The following ACE variants were observed in gnomAD, a reference collection of about 807,000 sequenced individuals.
ACE encodes angiotensin-converting enzyme.
ACE carries 122 observed loss-of-function variants against 162.3 expected under a neutral mutation model. The observed-to-expected ratio is 0.75, with a 90% CI of 0.65 to 0.87. The LOEUF (loss-of-function observed/expected upper bound fraction) is 0.87. ACE is among the 40% of genes least tolerant of loss of function. The pLI is 0.00. For synonymous variants in ACE, 796 were observed against 720.6 expected (o/e 1.10, Z -1.68); for missense variants, 1,799 against 1,735.1 (o/e 1.04, Z -0.65).
rs1337219696 is a variant in ACE, at chr17:63,484,881, G to C, written c.1921+340G>C. The stretch of plus-strand genomic sequence containing the variant: ...TCTCCTGCGGCCATGGGCCAGGGTT[G>C]GGCTACTGCAGGACTTCCCAGCCTC... On this transcript the variant is annotated intron_variant, in intron 12 of 24. Coordinates refer to ENST00000290866, the MANE Select transcript of ACE (RefSeq NM_000789.4). The surrounding 1 kb of genome is among the most constrained non-coding windows in gnomAD (Gnocchi z 4.0). 1 of 1,587,400 alleles carries C rather than the reference G, an allele frequency of 6.3e-7. No homozygotes were observed. Among genetic ancestry groups the C allele is most frequent in the Non-Finnish European group, 8.6e-7 (1 of 1,166,898 alleles).
rs1019322059 is a variant in ACE at position 63,497,695 on chromosome 17, G to T, written c.*329G>T. The T allele has an allele frequency of 5.5e-6, 3 of 545,844 alleles. No individual in the cohort carries two copies. The highest frequency in any genetic ancestry group is 1.0e-5 in the Non-Finnish European group (3 of 293,270). The allele number at this position is 545,844 out of a possible 1,614,324, so 33.8% of individuals were successfully genotyped here. ...TTCCTGCCTCCTGGCAGTCAAGTGG[G>T]TCCCGTTACTAGGTTTGTTCCTCCA... On this transcript the variant is annotated 3_prime_UTR_variant, in exon 25 of 25. Transcript: ENST00000290866.
At chr17:63,482,120 A>T in intron 7 of ACE, among the ~76,000 whole-genome samples, 1 of 152,080 alleles carries the variant, frequency 6.6e-6, no homozygotes, top group South Asian at 2.1e-4. Context: ...AACATGGCGA[A>T]ACCCCGTCTC....
chr17:63,490,962 T>G lies in ACE; in HGVS notation c.2650T>G (p.Trp884Gly). Residue 884 changes from tryptophan (W) to glycine (G), a missense_variant, in exon 18 of 25, where the codon TGG (tryptophan) becomes GGG (glycine). Transcript: ENST00000290866. ...CCCACACTCGCCTCCAGGGAACATG[T>G]GGGCGCAGACCTGGTCCAACATCTA... ...PIPAHLLGNM[W>G]AQTWSNIYDL... 1 of 1,614,196 alleles carries G rather than the reference T, an allele frequency of 6.2e-7. No individual in the cohort carries two copies. The highest frequency in any genetic ancestry group is 8.5e-7 in the Non-Finnish European group (1 of 1,180,024).
rs749719306 is a variant in ACE at position 63,491,752 on chromosome 17, T to C, written c.2912+371T>C. 6.6e-6 allele frequency among the ~76,000 whole-genome samples: 1 copy of C among 152,154 alleles called. No homozygotes were observed. The highest frequency in any genetic ancestry group is 2.4e-5 in the African/African-American group (1 of 41,440). On this transcript the variant is annotated intron_variant, in intron 19 of 24. Coordinates refer to ENST00000290866, the MANE Select transcript of ACE (RefSeq NM_000789.4). The surrounding 1 kb of genome is among the most constrained non-coding windows in gnomAD (Gnocchi z 4.4). ...GGAGGCACACGAGGATGTTGGGTGC[T>C]CTGTACAGATCCACTCTCACCCCTG...
At chr17:63,488,414 A>G (rs2030120814) in intron 15 of ACE, among the ~76,000 whole-genome samples, 1 of 149,798 alleles carries the variant, frequency 6.7e-6, no homozygotes, top group Non-Finnish European at 1.5e-5. Context: ...CGCCCCTCAC[A>G]GGACTGCTGA....
intron 8 of ACE, 79 bp downstream of exon 8, chr17:63,482,768 C>T: frequency 6.9e-7 from 1 of 1,452,768 alleles, no homozygotes; most frequent in Non-Finnish European, 9.6e-7. Context: ...ACTTGCCCCA[C>T]TCAGCTCTGC....
rs2030603816 is a variant in ACE, at chr17:63,494,467, T to G, written c.3377T>G (p.Ile1126Ser). Residue 1126 changes from isoleucine (I) to serine (S), a missense_variant, in exon 22 of 25, where the codon ATC (isoleucine) becomes AGC (serine). By Grantham distance (142) the Ile-to-Ser change is moderately radical. Transcript: ENST00000290866. ...CACATTCCTTCTAGCGTGCCTTACATCAGGTAACGGGAAAGGCAGGAGGGC... is the reference window on the plus strand; with the variant it reads ...CACATTCCTTCTAGCGTGCCTTACAGCAGGTAACGGGAAAGGCAGGAGGGC... ...KFHIPSSVPY[I>S]RYFVSFIIQF... The G allele has an allele frequency of 3.7e-6, 6 of 1,613,454 alleles. No homozygotes were observed. The South Asian group carries it at 6.6e-5, about 18-fold the overall frequency.
At chr17:63,477,527 G>A (rs1198057619) in intron 1 of ACE, 184 bp downstream of exon 1, 2 of 320,876 alleles carry the variant, frequency 6.2e-6, no homozygotes, top group Non-Finnish European at 9.5e-6. Context: ...TGCGCTCCCA[G>A]CATGCACGAG....
At chr17:63,488,850 T>A in intron 16 of ACE, 59 bp downstream of exon 16, 1 of 1,613,648 alleles carries the variant, frequency 6.2e-7, no homozygotes, top group South Asian at 1.1e-5. Flanking sequence ...CTCAAAGAGG[T>A]GCTGTGAAAC....
intron 1 of ACE, 23 bp from the exon 2 acceptor site, chr17:63,477,908 C>T: frequency 1.9e-6 from 3 of 1,600,798 alleles, no homozygotes; most frequent in Non-Finnish European, 2.6e-6. Context: ...CTACACCCTC[C>T]CTGCCCTCCT....
intron 2 of ACE, chr17:63,478,650 G>A (rs2049657813): frequency 1.3e-5 from 5 of 381,596 alleles, no homozygotes; most frequent in South Asian, 1.1e-4. Flanking sequence ...GTGACAGAGT[G>A]AGACCTCCCC....
Position 63,483,567 on chromosome 17 carries a change from G to GCGGGGGGGCGCCCCCCCCCCCCCCC in ACE, c.1586+10_1586+11insGGGGGGGCGCCCCCCCCCCCCCCCC. The GCGGGGGGGCGCCCCCCCCCCCCCCC allele has an allele frequency of 6.3e-7, 1 of 1,589,578 alleles. No homozygotes were observed. The highest frequency in any genetic ancestry group is 8.6e-7 in the Non-Finnish European group (1 of 1,165,686). On this transcript the variant is annotated intron_variant, in intron 10 of 24. Coordinates refer to ENST00000290866, the MANE Select transcript of ACE (RefSeq NM_000789.4). ...GTGACACCATACATCAGGTATTAGC[G>GCGGGGGGGCGCCCCCCCCCCCCCCC]CCCCCACCCCACCCACCCCCAGTAC...
Position 63,480,196 on chromosome 17 carries a change from G to T in ACE, c.656-141G>T, listed in dbSNP as rs969366115. The T allele has an allele frequency of 4.2e-6, 4 of 959,652 alleles. No individual in the cohort carries two copies. In the East Asian group the frequency reaches 1.0e-4, roughly 25 times the overall value. 59.4% of individuals were successfully genotyped at this position (959,652 alleles called of 1,614,324 possible). On this transcript the variant is annotated intron_variant, in intron 4 of 24. Coordinates refer to ENST00000290866, the MANE Select transcript of ACE (RefSeq NM_000789.4). ...AGCTGGCTGTAGCTAATTAGAAATT[G>T]TAGAGTGGCAACCCCCAAGCCAATT... is the stretch of plus-strand genomic sequence containing the variant.
rs1282956048 is a variant in ACE at position 63,494,488 on chromosome 17, A to G, written c.3380+18A>G. On this transcript the variant is annotated intron_variant, in intron 22 of 24. Transcript: ENST00000290866. ...TACATCAGGTAACGGGAAAGGCAGGAGGGCACATTGTGAGGGGCAGTACCC... is the reference window on the plus strand; with the variant it reads ...TACATCAGGTAACGGGAAAGGCAGGGGGGCACATTGTGAGGGGCAGTACCC... 6.2e-7 allele frequency: 1 copy of G among 1,602,516 alleles called. No individual in the cohort carries two copies. Among genetic ancestry groups the G allele is most frequent in the African/African-American group, 1.3e-5 (1 of 74,702 alleles).
Position 63,484,550 on chromosome 17 carries a change from C to T in ACE, c.1921+9C>T, listed in dbSNP as rs998651889. ...CTACCCGGAGGGCATAGGTAAAGCC[C>T]TGAGTGAGGATGGTGTGGGGCTAAG... is the stretch of plus-strand genomic sequence containing the variant. On this transcript the variant is annotated intron_variant, in intron 12 of 24. Coordinates refer to ENST00000290866, the MANE Select transcript of ACE (RefSeq NM_000789.4). This position sits in a 1 kb window ranked among gnomAD's most constrained non-coding sequence, Gnocchi z 4.0. 6.2e-7 allele frequency: 1 copy of T among 1,608,284 alleles called. No individual in the cohort carries two copies.
Position 63,480,404 on chromosome 17 carries a change from A to G in ACE, c.723A>G (p.Glu241=). The stretch of plus-strand genomic sequence containing the variant: ...CCCCCACCTTCGAGGACGATCTGGA[A>G]CACCTCTACCAACAGCTAGAGCCCC... ...YNSPTFEDDL[E]HLYQQLEPLY... is the part of the protein sequence containing the mutation. Residue 241 remains glutamate, a synonymous_variant, in exon 5 of 25, where the codon GAA becomes GAG. Coordinates refer to ENST00000290866, the MANE Select transcript of ACE (RefSeq NM_000789.4). The G allele has an allele frequency of 6.2e-7, 1 of 1,614,094 alleles. No homozygotes were observed.
chr17:63,485,152 A>G (rs1309062450), intron 12 of ACE, 84 bp from the exon 13 acceptor site: 2 of 1,601,816 alleles, frequency 1.2e-6, no homozygotes, highest in Non-Finnish European at 1.7e-6. Flanking sequence ...AGGGAGTGCG[A>G]GAGGGATAAT....
chr17:63,483,537 C>T lies in ACE; in HGVS notation c.1565C>T (p.Pro522Leu), dbSNP rs2049749316. 6 of 1,614,042 alleles carry T rather than the reference C, an allele frequency of 3.7e-6. No homozygotes were observed. In the East Asian group the frequency reaches 1.1e-4, roughly 30 times the overall value. The change falls in exon 10 of 25, where the codon CCA (proline) becomes CTA (leucine). Residue 522 changes from proline (P) to leucine (L), a missense_variant. Pro to Leu is a moderately conservative substitution (Grantham distance 98). Transcript: ENST00000290866. ...HFDAGAKFHV[P>L]NVTPYIRYFV... ...GATGCTGGAGCTAAGTTTCATGTTCCAAATGTGACACCATACATCAGGTAT... is the reference window on the plus strand; with the variant it reads ...GATGCTGGAGCTAAGTTTCATGTTCTAAATGTGACACCATACATCAGGTAT...
In ACE at chr17:63,479,783, C is replaced by T. The variant is rs752256927; in HGVS notation, c.526C>T (p.Leu176=). Reference sequence around the variant, plus strand: ...CTGTGTCTCAGATCTCACCAACATCCTGGCTTCCTCGCGAAGCTACGCCAT... The same window carrying T: ...CTGTGTCTCAGATCTCACCAACATCTTGGCTTCCTCGCGAAGCTACGCCAT... ...WSLDPDLTNI[L]ASSRSYAMLL... Residue 176 remains leucine (L), a synonymous_variant, in exon 4 of 25, where the codon CTG becomes TTG. Coordinates refer to ENST00000290866, the MANE Select transcript of ACE (RefSeq NM_000789.4). The T allele has an allele frequency of 2.5e-6, 4 of 1,613,400 alleles. No homozygotes were observed. The highest frequency in any genetic ancestry group is 2.2e-5 in the South Asian group (2 of 91,092).
Sources: gnomAD v4.1 joint callset for allele counts (sites outside exome capture counted in the v4.1 genomes callset) on GRCh38, gnomAD v4.1.1 for gene constraint, Gnocchi (gnomAD v3.1) non-coding constraint, MANE v1.5 for transcripts, NCBI Gene and HGNC (gene_info 2026-07-23, HGNC 2026-07-21) for gene names.